The following ERCC6L2 variants were observed in gnomAD, a reference collection of about 807,000 sequenced individuals.
ERCC6L2 encodes the protein ERCC excision repair 6 like 2.
In ERCC6L2, 77 loss-of-function variants were observed where a neutral mutation model predicts 132.0. That is an observed-to-expected ratio of 0.58 (90% confidence interval 0.49 to 0.71). ERCC6L2 has a LOEUF of 0.71. ERCC6L2 is among the 30% of genes least tolerant of loss of function. ERCC6L2 has a pLI of 0.00. For synonymous variants in ERCC6L2, 583 were observed against 632.4 expected (o/e 0.92, Z 1.17); for missense variants, 1,542 against 1,837.6 (o/e 0.84, Z 2.94).
At chr9:95,932,994 CAGAG>C (rs925728171) in intron 11 of ERCC6L2, among the ~76,000 whole-genome samples, 1 of 151,492 alleles carries the variant, frequency 6.6e-6, no homozygotes, top group South Asian at 2.1e-4. Flanking sequence ...ATCTCATCTG[CAGAG>C]AGAGAGAGAG....
chr9:95,918,584 C>A, intron 6 of ERCC6L2: 2 of 371,058 alleles, frequency 5.4e-6, no homozygotes, highest in South Asian at 2.3e-5. Flanking sequence ...AAAAGGACGG[C>A]CTGATTTTTA....
At chr9:95,945,201 T>A (rs1831000396) in intron 12 of ERCC6L2, among the ~76,000 whole-genome samples, 1 of 150,490 alleles carries the variant, frequency 6.6e-6, no homozygotes, top group Non-Finnish European at 1.5e-5. Flanking sequence ...GGATGCATTC[T>A]CTTTCTCAGG....
At chr9:95,921,076 G>C in intron 6 of ERCC6L2, 99 bp from the exon 7 acceptor site, 2 of 1,222,908 alleles carry the variant, frequency 1.6e-6, no homozygotes, top group Admixed American at 2.9e-5. Flanking sequence ...CGCCCGGCCA[G>C]TTTTCACTGT....
At chr9:96,023,111 A>G (rs1331298529), downstream of ERCC6L2, among the ~76,000 whole-genome samples, 1 of 152,116 alleles carries the variant, frequency 6.6e-6, no homozygotes, top group Non-Finnish European at 1.5e-5. Flanking sequence ...GGACCCAGAA[A>G]TGACACCACA....
Position 95,887,952 on chromosome 9 carries a change from G to A in ERCC6L2, c.471+6659G>A, listed in dbSNP as rs78883374. 5.6e-3 allele frequency among the ~76,000 whole-genome samples: 856 copies of A among 152,142 alleles called. 19 individuals carry two copies. In the East Asian group the frequency reaches 0.09, roughly 16 times the overall value. ...AGCCCTTTTAAGCAGAAACAAAAAT[G>A]TACTAGTATTTCACAGATAAAATTG... is the stretch of plus-strand genomic sequence containing the variant. On this transcript the variant is annotated intron_variant, in intron 2 of 18. Coordinates refer to ENST00000653738, the MANE Select transcript of ERCC6L2 (RefSeq NM_020207.7).
chr9:95,993,695 A>G (rs558611425), intron 17 of ERCC6L2, among the ~76,000 whole-genome samples: 2 of 152,372 alleles, frequency 1.3e-5, no homozygotes, highest in African/African-American at 2.4e-5. Flanking sequence ...AAGCAGGCTC[A>G]GGACAGCCAA....
At chr9:96,035,739 C>G (rs1291474232) in intron 19 of ERCC6L2, among the ~76,000 whole-genome samples, 1 of 152,204 alleles carries the variant, frequency 6.6e-6, no homozygotes, top group African/African-American at 2.4e-5. Flanking sequence ...CCTCAGTTAC[C>G]TCTTTCTTCC....
In ERCC6L2 at chr9:95,906,211, G is replaced by A. The variant is rs181418214; in HGVS notation, c.595-867G>A. On this transcript the variant is annotated intron_variant, in intron 3 of 18. Transcript: ENST00000653738. Reference sequence around the variant, plus strand: ...TGATAACTCTTGATCTTTGCTATAGGGAGAGTAGAGTAATGAGGTAATAGA... The same window carrying A: ...TGATAACTCTTGATCTTTGCTATAGAGAGAGTAGAGTAATGAGGTAATAGA... 2.6e-5 allele frequency among the ~76,000 whole-genome samples: 4 copies of A among 152,268 alleles called. No homozygotes were observed. In the South Asian group the frequency reaches 6.2e-4, roughly 24 times the overall value.
At chr9:95,977,948 A>G in intron 16 of ERCC6L2, 113 bp from the exon 17 acceptor site, 1 of 622,650 alleles carries the variant, frequency 1.6e-6, no homozygotes, top group Non-Finnish European at 2.2e-6. Context: ...TTCCTAAAGA[A>G]TATTGTGATG....
chr9:95,889,367 C>T (rs577916286), intron 2 of ERCC6L2, among the ~76,000 whole-genome samples: 1 of 152,144 alleles, frequency 6.6e-6, no homozygotes, highest in Non-Finnish European at 1.5e-5. Context: ...TATATTACCT[C>T]ATTTAAATTG....
At position 96,015,190 on chromosome 9, in the gene ERCC6L2, ATT is replaced by A. The variant is rs749397792; in HGVS notation, c.*2001_*2002del. Reference sequence around the variant, plus strand: ...TGTGTACCACCACACTCAGCTAAACATTTTTTTTTTTTTTTGAGACGGAGTCT... The same window carrying A: ...TGTGTACCACCACACTCAGCTAAACATTTTTTTTTTTTTGAGACGGAGTCT... On this transcript the variant is annotated 3_prime_UTR_variant, in exon 19 of 19. Coordinates refer to ENST00000653738, the MANE Select transcript of ERCC6L2 (RefSeq NM_020207.7). Among the ~76,000 whole-genome samples, 13 of 118,788 alleles carry A rather than the reference ATT, an allele frequency of 1.1e-4. No individual in the cohort carries two copies. Among genetic ancestry groups the A allele is most frequent in the South Asian group, 2.7e-4 (1 of 3,742 alleles). The allele number at this position is 118,788 out of a possible 152,430, so 77.9% of individuals were successfully genotyped here.
chr9:95,888,771 G>A lies in ERCC6L2; in HGVS notation c.471+7478G>A, dbSNP rs555986444. Reference sequence around the variant, plus strand: ...AGAAATAAGGGTAGAAGTGATGAGTGCCATTTATAGTCCTGGTCCATAAAA... The same window carrying A: ...AGAAATAAGGGTAGAAGTGATGAGTACCATTTATAGTCCTGGTCCATAAAA... On this transcript the variant is annotated intron_variant, in intron 2 of 18. Transcript: ENST00000653738. Among the ~76,000 whole-genome samples the A allele has an allele frequency of 5.3e-5, 8 of 152,256 alleles. No individual in the cohort carries two copies. In the East Asian group the frequency reaches 1.5e-3, roughly 29 times the overall value.
intron 18 of ERCC6L2, among the ~76,000 whole-genome samples, chr9:96,008,576 C>T (rs990826509): frequency 6.6e-6 from 1 of 152,170 alleles, no homozygotes; most frequent in East Asian, 1.9e-4. Flanking sequence ...TTCATTATGT[C>T]ACAACCTGCA....
chr9:96,030,969 C>T lies in ERCC6L2; in HGVS notation c.*1504-7907C>T, dbSNP rs535771072. ...CGGACAGGCCCTGGTGCTTGTCGCG[C>T]CCCCTGCTTCCAGGGGTCTGTGAGT... is the stretch of plus-strand genomic sequence containing the variant. On this transcript the variant is annotated intron_variant and NMD_transcript_variant, in intron 19 of 20. Coordinates refer to the ERCC6L2 transcript ENST00000670016. Among the ~76,000 whole-genome samples the T allele has an allele frequency of 1.4e-4, 21 of 152,308 alleles. No homozygotes were observed. In the South Asian group the frequency reaches 1.4e-3, roughly 11 times the overall value.
chr9:95,953,204 G>A (rs998550756), intron 12 of ERCC6L2, among the ~76,000 whole-genome samples: 17 of 152,278 alleles, frequency 1.1e-4, no homozygotes, highest in Non-Finnish European at 2.4e-4. Flanking sequence ...ACTTAAAAAT[G>A]CTTAAAATGA....
chr9:95,922,496 A>T (rs948299650), intron 8 of ERCC6L2, 78 bp downstream of exon 8: 2 of 858,108 alleles, frequency 2.3e-6, no homozygotes, highest in African/African-American at 3.5e-5. Flanking sequence ...GTTATTAAAT[A>T]AAGTTTTTGT....
chr9:95,913,964 A>G (rs967918485), intron 4 of ERCC6L2, among the ~76,000 whole-genome samples: 2 of 152,200 alleles, frequency 1.3e-5, no homozygotes, highest in Non-Finnish European at 2.9e-5. Flanking sequence ...GTGAACATTC[A>G]CATACAAGTC....
chr9:95,959,627 C>T (rs1261537204), intron 13 of ERCC6L2, among the ~76,000 whole-genome samples: 1 of 151,870 alleles, frequency 6.6e-6, no homozygotes, highest in Admixed American at 6.6e-5. Context: ...TCACAACCTA[C>T]TCATCTGACA....
chr9:95,948,274 A>C (rs1029801370), intron 12 of ERCC6L2, among the ~76,000 whole-genome samples: 1 of 152,228 alleles, frequency 6.6e-6, no homozygotes, highest in Non-Finnish European at 1.5e-5. Context: ...TAGTAGAGGA[A>C]GTAATTCCAG....
Sources: allele counts gnomAD v4.1 joint callset (sites outside exome capture counted in the v4.1 genomes callset), GRCh38; gene constraint gnomAD v4.1.1; transcripts MANE v1.5; gene names NCBI Gene and HGNC (gene_info 2026-07-23, HGNC 2026-07-21).